DLG1: variants seen among roughly 807,000 people sequenced by gnomAD.
The protein encoded by DLG1 is disks large homolog 1.
DLG1 carries 42 observed loss-of-function variants against 123.4 expected under a neutral mutation model. The ratio of observed to expected loss-of-function variants is 0.34; its 90% CI spans 0.27 to 0.44. DLG1 has a LOEUF of 0.44. Among genes scored for constraint, DLG1 ranks in the 20% least tolerant of loss-of-function variants. The pLI is 1.00. For missense variants in DLG1, 942 were observed against 1,082.6 expected (o/e 0.87, Z 1.82); for synonymous variants, 317 against 356.2 (o/e 0.89, Z 1.24).
At chr3:197,245,630 T>C (rs1166834573) in intron 4 of DLG1, among the ~76,000 whole-genome samples, 1 of 152,154 alleles carries the variant, frequency 6.6e-6, no homozygotes, top group Non-Finnish European at 1.5e-5. Context: ...ACCTCCCTCA[T>C]GAGAGATTTG....
chr3:197,126,875 T>C (rs1779389908), intron 11 of DLG1, among the ~76,000 whole-genome samples: 1 of 152,202 alleles, frequency 6.6e-6, no homozygotes, highest in African/African-American at 2.4e-5. Context: ...TGATTAGTAA[T>C]ATAATGAATC....
At chr3:197,093,357 C>T (rs1218046255) in intron 14 of DLG1, among the ~76,000 whole-genome samples, 4 of 152,132 alleles carry the variant, frequency 2.6e-5, no homozygotes, top group Admixed American at 2.6e-4. Context: ...CGGGGTTTCA[C>T]CATGTTGGCC....
chr3:197,044,579 A>G lies in DLG1; in HGVS notation c.*44T>C. The G allele has an allele frequency of 7.1e-7, 1 of 1,417,186 alleles. No homozygotes were observed. Among genetic ancestry groups the G allele is most frequent in the Non-Finnish European group, 9.9e-7 (1 of 1,008,242 alleles). 87.8% of individuals were successfully genotyped at this position (1,417,186 alleles called of 1,614,324 possible). Reference sequence around the variant, plus strand: ...AGAGGAAAGGGCAAAGAGATGCCAAAGAAAATGGAATTGTGGAAAAGAGAA... The same window carrying G: ...AGAGGAAAGGGCAAAGAGATGCCAAGGAAAATGGAATTGTGGAAAAGAGAA... On this transcript the variant is annotated 3_prime_UTR_variant, in exon 25 of 25. Transcript: ENST00000667157.
chr3:197,281,776 T>G (rs1414446992), intron 4 of DLG1, among the ~76,000 whole-genome samples: 2 of 152,214 alleles, frequency 1.3e-5, no homozygotes, highest in Non-Finnish European at 2.9e-5. Flanking sequence ...TATTCTATTA[T>G]GGATCTCAGT....
chr3:197,130,813 G>A lies in DLG1; in HGVS notation c.1021-142C>T, dbSNP rs1444509210. On this transcript the variant is annotated intron_variant, in intron 10 of 24. Transcript: ENST00000667157. ...CCGAAAGAAAATACCCATGTTTGAT[G>A]TCTATGATCTCAGTAAGTTGTTTAT... 4.9e-6 allele frequency: 3 copies of A among 614,668 alleles called. No individual in the cohort carries two copies. The South Asian group carries it at 6.9e-5, about 14-fold the overall frequency. 38.1% of individuals were successfully genotyped at this position (614,668 alleles called of 1,614,324 possible).
chr3:197,252,779 T>C (rs1755073039), intron 4 of DLG1, among the ~76,000 whole-genome samples: 1 of 152,214 alleles, frequency 6.6e-6, no homozygotes, highest in Non-Finnish European at 1.5e-5. Context: ...AGTCTATAGA[T>C]GAATAGTGGT....
Position 197,282,686 on chromosome 3 carries a change from C to A in DLG1, c.311G>T (p.Ser104Ile). ...ACACATTTTTTATCTCACCTCTACA[C>A]TAGGGCTAAGGCTGCTTGGCAGTGT... is the stretch of plus-strand genomic sequence containing the variant. ...SETLPSSLSP[S>I]VEKYRYQDED... The change falls in exon 4 of 25, where the codon AGT (serine) becomes ATT (isoleucine). Residue 104 changes from serine to isoleucine, a missense_variant. Coordinates refer to ENST00000667157, the MANE Select transcript of DLG1 (RefSeq NM_001366207.1). 4 of 1,583,784 alleles carry A rather than the reference C, an allele frequency of 2.5e-6. No homozygotes were observed. Among genetic ancestry groups the A allele is most frequent in the East Asian group, 2.3e-5 (1 of 44,112 alleles).
chr3:197,091,567 T>G (rs988386915), intron 14 of DLG1, among the ~76,000 whole-genome samples: 10 of 152,034 alleles, frequency 6.6e-5, no homozygotes, highest in Non-Finnish European at 1.0e-4. Flanking sequence ...TTATAATTTA[T>G]AAATTATCAA....
intron 24 of DLG1, among the ~76,000 whole-genome samples, chr3:197,046,881 A>G (rs1256870672): frequency 6.6e-6 from 1 of 151,818 alleles, no homozygotes; most frequent in Non-Finnish European, 1.5e-5. Flanking sequence ...AAAAAAAACA[A>G]AAGACAAAAA....
intron 5 of DLG1, among the ~76,000 whole-genome samples, chr3:197,179,674 T>G (rs1809066357): frequency 6.6e-6 from 1 of 152,206 alleles, no homozygotes; most frequent in East Asian, 1.9e-4. Flanking sequence ...TCCTAAGTAC[T>G]TTATTAATAT....
intron 11 of DLG1, among the ~76,000 whole-genome samples, chr3:197,127,177 C>CT (rs1348276591): frequency 6.6e-6 from 1 of 151,576 alleles, no homozygotes; most frequent in Admixed American, 6.6e-5. Flanking sequence ...AATCCCAGCA[C>CT]TTTGAGAGGC....
chr3:197,248,001 A>C (rs1277759094), intron 4 of DLG1, among the ~76,000 whole-genome samples: 1 of 151,716 alleles, frequency 6.6e-6, no homozygotes, highest in Non-Finnish European at 1.5e-5. Context: ...TTTGACTTTG[A>C]CTCCTTTATA....
At chr3:197,172,022 C>A (rs955087044) in intron 5 of DLG1, among the ~76,000 whole-genome samples, 3 of 152,136 alleles carry the variant, frequency 2.0e-5, no homozygotes, top group Non-Finnish European at 4.4e-5. Flanking sequence ...CTATTTCCCC[C>A]ACACAAATAC....
intron 5 of DLG1, chr3:197,161,692 G>C: frequency 6.3e-7 from 1 of 1,578,740 alleles, no homozygotes; most frequent in Non-Finnish European, 8.6e-7. Context: ...TGGCAGGACA[G>C]GGATCACAGG....
In DLG1 at chr3:197,126,051, C is replaced by T. The variant is rs570618333; in HGVS notation, c.1165+4476G>A. 4.6e-5 allele frequency among the ~76,000 whole-genome samples: 7 copies of T among 152,272 alleles called. No homozygotes were observed. In the South Asian group the frequency reaches 6.2e-4, roughly 14 times the overall value. On this transcript the variant is annotated intron_variant, in intron 11 of 24. Coordinates refer to ENST00000667157, the MANE Select transcript of DLG1 (RefSeq NM_001366207.1). ...GAATTGCATATGCAGAAGTGTACAA[C>T]GAAACCCACATCTACAGTTGCCTAA...
In DLG1 at chr3:197,211,327, G is replaced by T. The variant is rs7631958; in HGVS notation, c.319-16738C>A. On this transcript the variant is annotated intron_variant, in intron 4 of 24. Transcript: ENST00000667157. ...ATCATCCTGATACCAAAACCTGGCA[G>T]AGACACAACAAAAAAAGAAAACTTC... Among the ~76,000 whole-genome samples, 10 of 145,836 alleles carry T rather than the reference G, an allele frequency of 6.9e-5. 1 individual carries two copies. In the East Asian group the frequency reaches 1.2e-3, roughly 17 times the overall value.
intron 14 of DLG1, among the ~76,000 whole-genome samples, chr3:197,091,799 AC>A (rs1345638860): frequency 7.9e-5 from 12 of 152,152 alleles, no homozygotes; most frequent in African/African-American, 2.9e-4. Flanking sequence ...CAAATTGCAG[AC>A]AACTAGGTCA....
chr3:197,099,632 A>C (rs1579147238), intron 14 of DLG1, among the ~76,000 whole-genome samples: 1 of 152,178 alleles, frequency 6.6e-6, no homozygotes, highest in Admixed American at 6.5e-5. Flanking sequence ...TCAAATTTTA[A>C]CCTTTGTTTT....
intron 4 of DLG1, among the ~76,000 whole-genome samples, chr3:197,228,595 G>A (rs1010435828): frequency 1.6e-4 from 24 of 152,254 alleles, no homozygotes; most frequent in Non-Finnish European, 2.6e-4. Context: ...TAAAACTGCA[G>A]AAGACAGTAT....
Sources: gnomAD v4.1 joint callset for allele counts (sites outside exome capture counted in the v4.1 genomes callset) on GRCh38, gnomAD v4.1.1 for gene constraint, MANE v1.5 for transcripts, NCBI Gene and HGNC (gene_info 2026-07-23, HGNC 2026-07-21) for gene names.